The following AOPEP variants were observed in gnomAD, a reference collection of about 807,000 sequenced individuals.
AOPEP encodes aminopeptidase O.
A neutral mutation model predicts 98.1 loss-of-function variants in AOPEP; 77 were observed. The observed-to-expected ratio is 0.78, with a 90% confidence interval of 0.65 to 0.95. The LOEUF is 0.95. AOPEP is among the 40% of genes least tolerant of loss of function. AOPEP has a pLI of 0.00. For missense variants in AOPEP, 1,024 were observed against 1,024.7 expected, an observed-to-expected ratio of 1.00 and a Z score of 0.01; for synonymous variants, 346 against 365.3, an observed-to-expected ratio of 0.95 and a Z score of 0.60.
chr9:94,759,125 G>T (rs564469560), intron 1 of AOPEP, among the ~76,000 whole-genome samples: 15 of 152,314 alleles, frequency 9.8e-5, no homozygotes, highest in African/African-American at 3.6e-4. Flanking sequence ...TTTACTGGAA[G>T]TGCTGATATG....
intron 5 of AOPEP, among the ~76,000 whole-genome samples, chr9:94,887,805 A>G (rs2048405207): frequency 6.6e-6 from 1 of 151,680 alleles, no homozygotes; most frequent in Non-Finnish European, 1.5e-5. Flanking sequence ...ATGAAAGCAA[A>G]TTAGGCTTTT....
the AOPEP span, among the ~76,000 whole-genome samples, chr9:95,115,620 A>G: frequency 2.6e-5 from 4 of 152,238 alleles, no homozygotes; most frequent in Non-Finnish European, 4.4e-5. Context: ...ACGTATCTGC[A>G]GTTCTGTGCA....
At chr9:95,034,615 C>A (rs1457946633) in intron 13 of AOPEP, among the ~76,000 whole-genome samples, 3 of 152,160 alleles carry the variant, frequency 2.0e-5, no homozygotes, top group Non-Finnish European at 4.4e-5. Context: ...CAGTGGCCTG[C>A]GAGGCCTCAT....
At chr9:95,016,090 ATTT>A in intron 13 of AOPEP, among the ~76,000 whole-genome samples, 1 of 149,560 alleles carries the variant, frequency 6.7e-6, no homozygotes, top group South Asian at 2.1e-4. Flanking sequence ...GGTTCAGTCT[ATTT>A]TACTCTCACT....
intron 5 of AOPEP, among the ~76,000 whole-genome samples, chr9:94,849,608 G>T (rs1464470171): frequency 6.6e-6 from 1 of 151,582 alleles, no homozygotes; most frequent in Non-Finnish European, 1.5e-5. Context: ...TTTTCCACGG[G>T]GGTGGGGAGG....
intron 7 of AOPEP, among the ~76,000 whole-genome samples, chr9:94,946,858 A>C (rs1266371441): frequency 1.3e-5 from 2 of 152,134 alleles, no homozygotes; most frequent in African/African-American, 4.8e-5. Context: ...GCCACCCATG[A>C]AGCATGGAGT....
the AOPEP span, chr9:95,110,455 G>T: frequency 9.7e-7 from 1 of 1,028,282 alleles, no homozygotes; most frequent in South Asian, 4.6e-5. Context: ...TAAAGGGGAA[G>T]AAATAAAAAG....
intron 5 of AOPEP, among the ~76,000 whole-genome samples, chr9:94,801,899 T>G (rs1404793353): frequency 6.6e-6 from 1 of 152,170 alleles, no homozygotes; most frequent in Non-Finnish European, 1.5e-5. Context: ...ATTTGTGGTG[T>G]TTTCCCTGAA....
At chr9:94,857,631 TAC>T (rs1564270081) in intron 5 of AOPEP, among the ~76,000 whole-genome samples, 1 of 152,166 alleles carries the variant, frequency 6.6e-6, no homozygotes, top group Non-Finnish European at 1.5e-5. Context: ...CTTATAAAAT[TAC>T]AGATTGTCTT....
intron 14 of AOPEP, among the ~76,000 whole-genome samples, chr9:95,070,052 C>T (rs2068320036): frequency 6.6e-6 from 1 of 152,198 alleles, no homozygotes; most frequent in African/African-American, 2.4e-5. Flanking sequence ...AATGAAAACA[C>T]AAATGTGGAC....
At chr9:94,812,044 CAGCTTCCTTGTCCAA>C (rs1226503809) in intron 5 of AOPEP, among the ~76,000 whole-genome samples, 2 of 152,158 alleles carry the variant, frequency 1.3e-5, no homozygotes, top group African/African-American at 4.8e-5. Context: ...ACTTCTTCTT[CAGCTTCCTTGTCCAA>C]GGAAGGAGAC....
intron 5 of AOPEP, among the ~76,000 whole-genome samples, chr9:94,812,122 G>A (rs771336668): frequency 1.3e-5 from 2 of 152,168 alleles, no homozygotes; most frequent in Non-Finnish European, 2.9e-5. Flanking sequence ...GTTTCTAAAG[G>A]TAGAGATGAG....
chr9:95,149,549 G>A, the AOPEP span, among the ~76,000 whole-genome samples: 1 of 151,898 alleles, frequency 6.6e-6, no homozygotes, highest in Admixed American at 6.5e-5. Flanking sequence ...CACAATCTCG[G>A]CTCACTGCAA....
chr9:94,755,884 T>G (rs1197774497), intron 1 of AOPEP, among the ~76,000 whole-genome samples: 1 of 152,192 alleles, frequency 6.6e-6, no homozygotes, highest in Non-Finnish European at 1.5e-5. Flanking sequence ...CAGTGAGCCC[T>G]AAGGAATTTT....
At chr9:95,097,222 A>C in the AOPEP span, among the ~76,000 whole-genome samples, 1 of 152,352 alleles carries the variant, frequency 6.6e-6, no homozygotes, top group South Asian at 2.1e-4. Context: ...ATGGGACGCA[A>C]CCTTCTAAAA....
chr9:95,077,988 G>A (rs2069270611), intron 14 of AOPEP, among the ~76,000 whole-genome samples: 1 of 152,072 alleles, frequency 6.6e-6, no homozygotes, highest in African/African-American at 2.4e-5. Flanking sequence ...CCGAAATATT[G>A]ACATACACTT....
At chr9:94,793,902 A>G (rs530610369) in intron 4 of AOPEP, among the ~76,000 whole-genome samples, 2 of 152,332 alleles carry the variant, frequency 1.3e-5, no homozygotes, top group African/African-American at 2.4e-5. Flanking sequence ...GGTCAAAAAC[A>G]TAGCTTCTGA....
intron 14 of AOPEP, among the ~76,000 whole-genome samples, chr9:95,071,532 GCTTTT>G: frequency 6.6e-6 from 1 of 152,222 alleles, no homozygotes; most frequent in East Asian, 1.9e-4. Context: ...AGCCATACGT[GCTTTT>G]CTAAGCATGG....
chr9:95,149,896 G>C, the AOPEP span: 2 of 1,576,528 alleles, frequency 1.3e-6, no homozygotes, highest in East Asian at 2.3e-5. Context: ...AAACGACGCA[G>C]GATGACAGGA....
Sources: allele counts gnomAD v4.1 joint callset (sites outside exome capture counted in the v4.1 genomes callset), GRCh38; gene constraint gnomAD v4.1.1; transcripts MANE v1.5; gene names NCBI Gene and HGNC (gene_info 2026-07-23, HGNC 2026-07-21).